The following ZC3H12B variants were observed in gnomAD, a reference collection of about 807,000 sequenced individuals.
ZC3H12B encodes probable ribonuclease ZC3H12B.
In ZC3H12B, 7 loss-of-function variants were observed where a neutral mutation model predicts 43.9. The observed-to-expected ratio is 0.16, with a 90% CI of 0.09 to 0.30. ZC3H12B has a LOEUF of 0.30. Among genes scored for constraint, ZC3H12B ranks in the 10% least tolerant of loss-of-function variants. The probability of loss-of-function intolerance (pLI) is 1.00; values close to 1 mark genes in which losing one functional copy is unlikely to be tolerated. For missense variants in ZC3H12B, 475 were observed against 670.2 expected (o/e 0.71, Z 3.22); for synonymous variants, 222 against 241.7 (o/e 0.92, Z 0.76).
chrX:65,462,602 T>C (rs2067766294), intron 3 of ZC3H12B, among the ~76,000 whole-genome samples: 1 of 112,267 alleles, frequency 8.9e-6, no homozygotes, highest in South Asian at 3.7e-4. Flanking sequence ...ATCCCTGAAG[T>C]TGTGTAGCTT....
chrX:65,189,771 G>A, the ZC3H12B span, among the ~76,000 whole-genome samples: 1 of 110,838 alleles, frequency 9.0e-6, no homozygotes, highest in Admixed American at 9.7e-5. Flanking sequence ...GATGGTAGTT[G>A]CTTTTGCTAT....
At chrX:65,129,291 G>GAA in the ZC3H12B span, among the ~76,000 whole-genome samples, 1 of 97,472 alleles carries the variant, frequency 1.0e-5, no homozygotes, top group Non-Finnish European at 1.9e-5. Context: ...ACACACACTA[G>GAA]AATATATATG....
intron 3 of ZC3H12B, among the ~76,000 whole-genome samples, chrX:65,461,964 C>A (rs1160969552): frequency 9.2e-6 from 1 of 109,236 alleles, no homozygotes; most frequent in African/African-American, 3.3e-5. Context: ...ACCACCTGAT[C>A]TCCAAAAACC....
chrX:65,111,044 C>T, the ZC3H12B span, among the ~76,000 whole-genome samples: 11 of 111,078 alleles, frequency 9.9e-5, no homozygotes, highest in Non-Finnish European at 2.1e-4. Flanking sequence ...GGTCATTGCT[C>T]ATATTTAGAG....
At chrX:65,190,561 T>C in the ZC3H12B span, among the ~76,000 whole-genome samples, 1 of 106,261 alleles carries the variant, frequency 9.4e-6, no homozygotes, top group East Asian at 3.0e-4. Context: ...TTTGAAGCAA[T>C]TGTGAATGGG....
the ZC3H12B span, among the ~76,000 whole-genome samples, chrX:65,225,643 T>A: frequency 2.7e-5 from 3 of 111,644 alleles, no homozygotes; most frequent in Non-Finnish European, 5.6e-5. Flanking sequence ...TTTAGACAAA[T>A]GTATAACTAG....
the ZC3H12B span, among the ~76,000 whole-genome samples, chrX:65,104,591 T>A: frequency 8.9e-6 from 1 of 111,833 alleles, no homozygotes; most frequent in African/African-American, 3.3e-5. Context: ...AAACAGTGGA[T>A]GAAGGATATG....
At chrX:65,459,219 C>A (rs1040345529) in intron 3 of ZC3H12B, among the ~76,000 whole-genome samples, 5 of 111,920 alleles carry the variant, frequency 4.5e-5, no homozygotes, top group Non-Finnish European at 7.5e-5. Context: ...TAATTAATAG[C>A]TTACCAACCG....
the ZC3H12B span, among the ~76,000 whole-genome samples, chrX:65,153,574 G>T: frequency 8.9e-6 from 1 of 111,760 alleles, no homozygotes; most frequent in African/African-American, 3.3e-5. Flanking sequence ...AAAAAGTCAG[G>T]AAACAACAGG....
At chrX:65,117,817 G>A in the ZC3H12B span, among the ~76,000 whole-genome samples, 1 of 111,832 alleles carries the variant, frequency 8.9e-6, no homozygotes, top group South Asian at 3.7e-4. Flanking sequence ...ATTAAACAGG[G>A]AATCCTTTCC....
the ZC3H12B span, among the ~76,000 whole-genome samples, chrX:65,361,431 C>T: frequency 8.9e-6 from 1 of 111,818 alleles, no homozygotes; most frequent in Admixed American, 9.5e-5. Flanking sequence ...TCTTACATGG[C>T]CAAACTCGAA....
upstream of ZC3H12B, among the ~76,000 whole-genome samples, chrX:65,365,420 C>T (rs763923740): frequency 9.0e-5 from 10 of 111,100 alleles, no homozygotes; most frequent in South Asian, 3.9e-4. Flanking sequence ...TCCAGGCTAT[C>T]ACCAATGAGT....
chrX:65,109,828 G>A, the ZC3H12B span, among the ~76,000 whole-genome samples: 1 of 110,690 alleles, frequency 9.0e-6, no homozygotes, highest in African/African-American at 3.3e-5. Flanking sequence ...AATGTATAAG[G>A]GTTCTAATTT....
At chrX:65,215,446 C>T in the ZC3H12B span, among the ~76,000 whole-genome samples, 1 of 110,890 alleles carries the variant, frequency 9.0e-6, no homozygotes, top group Admixed American at 9.7e-5. Flanking sequence ...CTTATGGAGA[C>T]GGCTGCTTTA....
the ZC3H12B span, among the ~76,000 whole-genome samples, chrX:65,183,509 C>T: frequency 1.8e-5 from 2 of 111,140 alleles, no homozygotes; most frequent in African/African-American, 3.3e-5. Flanking sequence ...ACGCAATTTA[C>T]CTACATAACA....
At chrX:65,193,301 C>G in the ZC3H12B span, among the ~76,000 whole-genome samples, 1 of 110,667 alleles carries the variant, frequency 9.0e-6, no homozygotes, top group Non-Finnish European at 1.9e-5. Flanking sequence ...GATGTTTTAT[C>G]TTGTCTTCGA....
chrX:65,187,072 G>C, the ZC3H12B span: 1 of 111,525 alleles, frequency 9.0e-6, no homozygotes, highest in Non-Finnish European at 1.9e-5. Context: ...TGGATCAAAC[G>C]GTCAATCTTC....
the ZC3H12B span, among the ~76,000 whole-genome samples, chrX:65,244,627 G>A: frequency 9.7e-6 from 1 of 103,481 alleles, no homozygotes. Context: ...GGTCTCGAGA[G>A]GCTGAAGCAG....
upstream of ZC3H12B, among the ~76,000 whole-genome samples, chrX:65,363,255 A>G (rs1042071304): frequency 5.4e-5 from 6 of 111,124 alleles, no homozygotes; most frequent in East Asian, 1.7e-3. Flanking sequence ...TATTCTCCAA[A>G]GGATATCGGG....
Sources: allele counts gnomAD v4.1 joint callset (sites outside exome capture counted in the v4.1 genomes callset), GRCh38; gene constraint gnomAD v4.1.1; transcripts MANE v1.5; gene names NCBI Gene and HGNC (gene_info 2026-07-23, HGNC 2026-07-21).